Variants in SEC31B observed in about 807,000 individuals in gnomAD.
SEC31B encodes the protein SEC31 homolog B, COPII component.
Under a neutral mutation model 135.0 loss-of-function variants are expected in SEC31B, and 113 were observed. The observed-to-expected ratio is 0.84, with a 90% CI of 0.72 to 0.98. The LOEUF (loss-of-function observed/expected upper bound fraction) is 0.98, where lower values mean the gene tolerates loss of function less well. Ranked by LOEUF, SEC31B falls within the 50% of genes least tolerant of loss-of-function variation. The pLI is 0.00. For missense variants in SEC31B, 1,296 were observed against 1,421.1 expected (o/e 0.91, Z 1.42); for synonymous variants, 508 against 549.4 (o/e 0.92, Z 1.05).
At chr10:100,500,524 C>T (rs1851501701) in intron 11 of SEC31B, among the ~76,000 whole-genome samples, 1 of 152,046 alleles carries the variant, frequency 6.6e-6, no homozygotes, top group Admixed American at 6.5e-5. Context: ...CCATGTTGGC[C>T]AGGCTGGTCT....
intron 3 of SEC31B, among the ~76,000 whole-genome samples, chr10:100,509,721 A>T (rs970317300): frequency 1.7e-4 from 26 of 152,168 alleles, no homozygotes; most frequent in Admixed American, 1.4e-3. Flanking sequence ...GTTACACCAG[A>T]AGCCAGGAAG....
chr10:100,511,481 G>T (rs1237412572), intron 3 of SEC31B, among the ~76,000 whole-genome samples: 1 of 152,170 alleles, frequency 6.6e-6, no homozygotes, highest in Non-Finnish European at 1.5e-5. Context: ...AACAAAAAGG[G>T]TGGTCTAGCT....
chr10:100,488,173 T>C (rs1851219714), intron 24 of SEC31B, 75 bp from the exon 25 acceptor site: 1 of 1,380,674 alleles, frequency 7.2e-7, no homozygotes, highest in Non-Finnish European at 1.0e-6. Context: ...AATCACAGCA[T>C]ATTAGGCCGG....
intron 18 of SEC31B, 117 bp downstream of exon 18, chr10:100,496,141 C>T: frequency 2.7e-6 from 3 of 1,100,534 alleles, no homozygotes; most frequent in Non-Finnish European, 3.9e-6. Flanking sequence ...TTAAGGGATT[C>T]CATCTTATCT....
At chr10:100,517,727 C>CT (rs1292533905) in intron 1 of SEC31B, among the ~76,000 whole-genome samples, 1 of 152,060 alleles carries the variant, frequency 6.6e-6, no homozygotes, top group Non-Finnish European at 1.5e-5. Flanking sequence ...CTTTTATGGT[C>CT]TTTTTTTATT....
Position 100,497,131 on chromosome 10 carries a change from G to T in SEC31B, c.2136+4C>A. 6.2e-7 allele frequency: 1 copy of T among 1,614,040 alleles called. No homozygotes were observed. The highest frequency in any genetic ancestry group is 8.5e-7 in the Non-Finnish European group (1 of 1,179,990). On this transcript the variant is annotated splice_donor_region_variant and intron_variant, in intron 17 of 25. Coordinates refer to ENST00000370345, the MANE Select transcript of SEC31B (RefSeq NM_015490.4). Reference sequence around the variant, plus strand: ...GTGGCCAGTACCCTGCAGAGAAGGGGTACCTGCAGAGCCATGGGGGACAAA... The same window carrying T: ...GTGGCCAGTACCCTGCAGAGAAGGGTTACCTGCAGAGCCATGGGGGACAAA...
At chr10:100,488,346 C>T (rs1311209987) in intron 24 of SEC31B, among the ~76,000 whole-genome samples, 1 of 151,494 alleles carries the variant, frequency 6.6e-6, no homozygotes, top group African/African-American at 2.4e-5. Context: ...GTAGTCCCAG[C>T]TACTCGGGAG....
chr10:100,489,256 AG>A lies in SEC31B; in HGVS notation c.3166del (p.Leu1056CysfsTer23). 1 of 1,606,434 alleles carries A rather than the reference AG, an allele frequency of 6.2e-7. No homozygotes were observed. Among genetic ancestry groups the A allele is most frequent in the African/African-American group, 1.3e-5 (1 of 74,568 alleles). On this transcript the variant is annotated frameshift_variant, in exon 23 of 26. Coordinates refer to ENST00000370345, the MANE Select transcript of SEC31B (RefSeq NM_015490.4). LOFTEE classifies it high-confidence loss of function. ...APPGVPGELS[L>X]QLQHLPPEKM... ...GGAATACATTGTCCTTGTCACCTGC[AG>A]GCTGAGTTCTCCTGGAACTCCTGGG...
chr10:100,490,762 C>G lies in SEC31B; in HGVS notation c.2594G>C (p.Arg865Thr). The change falls in exon 20 of 26, where the codon AGG (arginine) becomes ACG (threonine). Residue 865 changes from arginine (R) to threonine (T), a missense_variant. Physicochemically the swap from Arg to Thr is moderately conservative, Grantham distance 71. Coordinates refer to ENST00000370345, the MANE Select transcript of SEC31B (RefSeq NM_015490.4). ...CTGGATGGCCTGGGGCCCAGGTGCC[C>G]TGTAGTCACTTATATTCTGTGTCCT... ...GPRTQNISDY[R>T]APGPQAIQPL... The G allele has an allele frequency of 6.2e-7, 1 of 1,608,070 alleles. No individual in the cohort carries two copies.
chr10:100,500,944 C>T (rs1460074824), intron 11 of SEC31B, among the ~76,000 whole-genome samples: 9 of 152,014 alleles, frequency 5.9e-5, no homozygotes, highest in East Asian at 3.9e-4. Flanking sequence ...CGGTGGCTCA[C>T]GCCTATAATG....
chr10:100,501,106 G>A (rs771436312), intron 11 of SEC31B, among the ~76,000 whole-genome samples: 19 of 151,638 alleles, frequency 1.3e-4, no homozygotes, highest in Non-Finnish European at 2.2e-4. Context: ...AAATACAGGC[G>A]TGGTGGCAGG....
chr10:100,497,033 G>C, intron 17 of SEC31B, 102 bp downstream of exon 17: 1 of 1,424,814 alleles, frequency 7.0e-7, no homozygotes, highest in Non-Finnish European at 9.6e-7. Flanking sequence ...CGTGGTTCCA[G>C]CCTGTCCCAG....
intron 2 of SEC31B, 98 bp from the exon 3 acceptor site, chr10:100,516,317 C>A: frequency 7.3e-7 from 1 of 1,360,762 alleles, no homozygotes; most frequent in Non-Finnish European, 1.0e-6. Context: ...CAGAAGAGGG[C>A]TGGGTATACC....
intron 19 of SEC31B, among the ~76,000 whole-genome samples, chr10:100,492,094 A>G (rs747113880): frequency 6.6e-6 from 1 of 152,248 alleles, no homozygotes; most frequent in Non-Finnish European, 1.5e-5. Context: ...GACACAAGGA[A>G]TAGAGGGAAA....
At chr10:100,491,303 T>C (rs548226196) in intron 19 of SEC31B, among the ~76,000 whole-genome samples, 4 of 152,206 alleles carry the variant, frequency 2.6e-5, no homozygotes, top group Non-Finnish European at 5.9e-5. Context: ...CAGGCCTAGA[T>C]GGTTTCACTG....
intron 5 of SEC31B, 137 bp from the exon 6 acceptor site, chr10:100,508,188 G>T: frequency 9.7e-7 from 1 of 1,027,094 alleles, no homozygotes; most frequent in Non-Finnish European, 1.4e-6. Flanking sequence ...ACAGTGTTGC[G>T]AAGCTGGGAG....
chr10:100,493,989 G>T (rs1851354905), intron 19 of SEC31B, among the ~76,000 whole-genome samples: 1 of 151,584 alleles, frequency 6.6e-6, no homozygotes, highest in African/African-American at 2.4e-5. Context: ...GGGGAAAAGG[G>T]GAGACAAGGG....
intron 1 of SEC31B, among the ~76,000 whole-genome samples, chr10:100,518,415 C>A (rs550808272): frequency 6.6e-6 from 1 of 152,332 alleles, no homozygotes; most frequent in Admixed American, 6.5e-5. Context: ...CAAAAAGCCT[C>A]AGTTTTTTTC....
chr10:100,519,568 G>A (rs530793512), intron 1 of SEC31B, among the ~76,000 whole-genome samples: 2 of 152,368 alleles, frequency 1.3e-5, no homozygotes, highest in South Asian at 4.1e-4. Context: ...CCGGCTGGGG[G>A]TTCCCGTGCG....
Sources: allele counts gnomAD v4.1 joint callset (sites outside exome capture counted in the v4.1 genomes callset), GRCh38; gene constraint gnomAD v4.1.1; transcripts MANE v1.5; gene names NCBI Gene and HGNC (gene_info 2026-07-23, HGNC 2026-07-21).